Variants in KCNH1 observed in about 807,000 individuals in gnomAD.
KCNH1 encodes voltage-gated delayed rectifier potassium channel KCNH1.
A neutral mutation model predicts 69.2 loss-of-function variants in KCNH1; 27 were observed. That is an observed-to-expected ratio of 0.39 (90% CI 0.29 to 0.54). KCNH1 has a LOEUF of 0.54. Among genes scored for constraint, KCNH1 ranks in the 20% least tolerant of loss-of-function variants. The pLI is 0.68. For synonymous variants in KCNH1, 456 were observed against 487.7 expected (o/e 0.93, Z 0.86); for missense variants, 798 against 1,261.6 (o/e 0.63, Z 5.57).
chr1:210,917,220 AGAGAG>A (rs1687354941), intron 7 of KCNH1, among the ~76,000 whole-genome samples: 2 of 122,646 alleles, frequency 1.6e-5, no homozygotes, highest in African/African-American at 3.2e-5. Context: ...AGAGAGAGAG[AGAGAG>A]AGAGAGAAAG....
chr1:211,105,064 T>A (rs1444669642), intron 2 of KCNH1, among the ~76,000 whole-genome samples: 1 of 152,208 alleles, frequency 6.6e-6, no homozygotes, highest in Non-Finnish European at 1.5e-5. Context: ...TTATCTTATG[T>A]CCCTTCCCAG....
chr1:210,694,231 C>T (rs983708682), intron 10 of KCNH1, among the ~76,000 whole-genome samples: 3 of 152,002 alleles, frequency 2.0e-5, no homozygotes, highest in Admixed American at 1.3e-4. Flanking sequence ...CCACATAGGA[C>T]ATATTTCATT....
chr1:210,875,483 G>A (rs1041449580), intron 7 of KCNH1, among the ~76,000 whole-genome samples: 39 of 152,272 alleles, frequency 2.6e-4, no homozygotes, highest in African/African-American at 9.4e-4. Flanking sequence ...AAACTTGCTG[G>A]TTATAAATCT....
At chr1:211,034,900 A>C (rs1394571903) in intron 5 of KCNH1, among the ~76,000 whole-genome samples, 2 of 152,200 alleles carry the variant, frequency 1.3e-5, no homozygotes, top group African/African-American at 4.8e-5. Context: ...ACAAATCCTC[A>C]GGAGGAAATG....
chr1:210,824,129 C>A (rs576020622), intron 7 of KCNH1, among the ~76,000 whole-genome samples: 1 of 142,412 alleles, frequency 7.0e-6, no homozygotes, highest in East Asian at 2.1e-4. Flanking sequence ...AACCTTTGTT[C>A]CCAGGATGTC....
At chr1:210,832,917 T>TATATATATATATATATATATATATATAC (rs1389330212) in intron 7 of KCNH1, among the ~76,000 whole-genome samples, 9 of 129,020 alleles carry the variant, frequency 7.0e-5, no homozygotes, top group Admixed American at 4.7e-4. Flanking sequence ...CATATATATA[T>TATATATATATATATATATATATATATAC]ATATACATAT....
intron 6 of KCNH1, among the ~76,000 whole-genome samples, chr1:211,009,940 A>G (rs1045525767): frequency 6.6e-6 from 1 of 152,132 alleles, no homozygotes; most frequent in Non-Finnish European, 1.5e-5. Context: ...TCTTTTGTCA[A>G]TGAATAAGAA....
intron 7 of KCNH1, among the ~76,000 whole-genome samples, chr1:210,823,637 G>A (rs1000081900): frequency 6.6e-6 from 1 of 152,148 alleles, no homozygotes; most frequent in Non-Finnish European, 1.5e-5. Context: ...ACTATGCCAA[G>A]TATTTTAAGA....
intron 1 of KCNH1, among the ~76,000 whole-genome samples, chr1:211,115,803 A>T (rs1333757337): frequency 6.6e-6 from 1 of 150,910 alleles, no homozygotes; most frequent in African/African-American, 2.4e-5. Flanking sequence ...CACTACCCAA[A>T]GTGATCTACA....
chr1:210,977,507 G>T (rs117653690), intron 6 of KCNH1, among the ~76,000 whole-genome samples: 1 of 151,052 alleles, frequency 6.6e-6, no homozygotes, highest in African/African-American at 2.4e-5. Flanking sequence ...CTCAGCTCCC[G>T]GTAACCACCA....
intron 6 of KCNH1, among the ~76,000 whole-genome samples, chr1:210,933,178 C>G (rs1231496682): frequency 6.6e-6 from 1 of 152,138 alleles, no homozygotes; most frequent in Admixed American, 6.5e-5. Context: ...GAATACTATG[C>G]AGCCATAAAA....
intron 6 of KCNH1, among the ~76,000 whole-genome samples, chr1:210,941,721 T>C (rs1318435681): frequency 3.3e-5 from 5 of 152,076 alleles, no homozygotes; most frequent in African/African-American, 1.2e-4. Flanking sequence ...CCCCATGATG[T>C]CTCTCAGTGT....
intron 9 of KCNH1, among the ~76,000 whole-genome samples, chr1:210,777,784 C>T (rs559676977): frequency 5.3e-5 from 8 of 152,302 alleles, no homozygotes; most frequent in Admixed American, 1.3e-4. Flanking sequence ...CTTTTCCATA[C>T]GGTACACACA....
At chr1:210,856,871 AACCCAC>A (rs1441942153) in intron 7 of KCNH1, among the ~76,000 whole-genome samples, 4 of 61,464 alleles carry the variant, frequency 6.5e-5, no homozygotes, top group African/African-American at 2.7e-4. Flanking sequence ...ATATATATAT[AACCCAC>A]TATATATATA....
At chr1:210,764,389 G>A (rs1244192865) in intron 10 of KCNH1, among the ~76,000 whole-genome samples, 1 of 152,148 alleles carries the variant, frequency 6.6e-6, no homozygotes, top group African/African-American at 2.4e-5. Context: ...AAATGAAAGA[G>A]CTTCTGCACA....
At chr1:210,765,126 G>A (rs1683600358) in intron 10 of KCNH1, among the ~76,000 whole-genome samples, 1 of 152,160 alleles carries the variant, frequency 6.6e-6, no homozygotes, top group East Asian at 1.9e-4. Context: ...TGTACCACAT[G>A]TTCTCACTTA....
In KCNH1 at chr1:211,099,053, T is replaced by C. The variant is rs536187475; in HGVS notation, c.310+4443A>G. Among the ~76,000 whole-genome samples the C allele has an allele frequency of 5.3e-5, 8 of 152,340 alleles. No homozygotes were observed. The South Asian group carries it at 1.7e-3, about 32-fold the overall frequency. ...TATAACAATTTTTACCTCAGCATTC[T>C]TTTTAATAATGAAAATTGAGCCTCA... On this transcript the variant is annotated intron_variant, in intron 3 of 10. Transcript: ENST00000271751.
intron 7 of KCNH1, among the ~76,000 whole-genome samples, chr1:210,898,833 G>A (rs990890985): frequency 6.6e-6 from 1 of 152,192 alleles, no homozygotes; most frequent in African/African-American, 2.4e-5. Context: ...TCAGGTGTGG[G>A]GTAATGAGGG....
chr1:210,687,607 G>A (rs2149003211), intron 10 of KCNH1, among the ~76,000 whole-genome samples: 1 of 152,318 alleles, frequency 6.6e-6, no homozygotes, highest in South Asian at 2.1e-4. Flanking sequence ...ACCCCCAGGG[G>A]ACAAGGCAAA....
Sources: allele counts gnomAD v4.1 joint callset (sites outside exome capture counted in the v4.1 genomes callset), GRCh38; gene constraint gnomAD v4.1.1; transcripts MANE v1.5; gene names NCBI Gene and HGNC (gene_info 2026-07-23, HGNC 2026-07-21).